SOX6: variants seen among roughly 807,000 people sequenced by gnomAD.
SOX6 encodes the protein SRY-box transcription factor 6, also known as transcription factor SOX-6.
A neutral mutation model predicts 97.8 loss-of-function variants in SOX6; 11 were observed. The ratio of observed to expected loss-of-function variants is 0.11; its 90% confidence interval spans 0.07 to 0.19. The LOEUF (loss-of-function observed/expected upper bound fraction) is 0.19, where lower values mean the gene tolerates loss of function less well. Ranked by LOEUF, SOX6 falls within the 10% of genes least tolerant of loss-of-function variation. The pLI, the probability that SOX6 is intolerant of heterozygous loss-of-function variation, is 1.00. For missense variants in SOX6, 810 were observed against 1,039.5 expected, an observed-to-expected ratio of 0.78 and a Z score of 3.04; for synonymous variants, 360 against 371.4, an observed-to-expected ratio of 0.97 and a Z score of 0.35.
chr11:16,462,277 T>C, intron 1 of SOX6, among the ~76,000 whole-genome samples: 1 of 152,246 alleles, frequency 6.6e-6, no homozygotes, highest in Non-Finnish European at 1.5e-5. Context: ...AACAATAAAC[T>C]ACCATATGCC....
At chr11:16,156,600 T>C (rs1376271142) in intron 6 of SOX6, among the ~76,000 whole-genome samples, 2 of 151,980 alleles carry the variant, frequency 1.3e-5, no homozygotes, top group African/African-American at 4.8e-5. Flanking sequence ...TCATCCTGTA[T>C]TTACATGATC....
At chr11:16,349,486 C>A (rs1040875409) in intron 1 of SOX6, among the ~76,000 whole-genome samples, 8 of 151,870 alleles carry the variant, frequency 5.3e-5, no homozygotes, top group Non-Finnish European at 1.2e-4. Context: ...CATGGCGGTG[C>A]GCGCCTGTAA....
chr11:16,032,818 C>T (rs1316774697), intron 12 of SOX6, among the ~76,000 whole-genome samples: 5 of 152,262 alleles, frequency 3.3e-5, no homozygotes, highest in South Asian at 2.1e-4. Flanking sequence ...CCCAACCATA[C>T]TCATGCCAGG....
At chr11:16,642,683 C>G (rs1174573852) in intron 3 of SOX6, among the ~76,000 whole-genome samples, 1 of 152,138 alleles carries the variant, frequency 6.6e-6, no homozygotes, top group East Asian at 1.9e-4. Context: ...ATCACTGATA[C>G]CCTTTCTTCC....
chr11:16,593,680 T>C (rs1206001685), intron 4 of SOX6, among the ~76,000 whole-genome samples: 1 of 152,196 alleles, frequency 6.6e-6, no homozygotes, highest in Non-Finnish European at 1.5e-5. Flanking sequence ...ACCAAGCACT[T>C]ATTATGAACC....
chr11:16,669,310 T>C (rs1011598220), intron 3 of SOX6, among the ~76,000 whole-genome samples: 2 of 152,130 alleles, frequency 1.3e-5, no homozygotes, highest in Non-Finnish European at 2.9e-5. Context: ...AATGAAGAAA[T>C]TAAAAAGAAA....
intron 3 of SOX6, among the ~76,000 whole-genome samples, chr11:16,668,079 A>G (rs1182198948): frequency 6.6e-6 from 1 of 152,236 alleles, no homozygotes; most frequent in Non-Finnish European, 1.5e-5. Flanking sequence ...GGTAACACCA[A>G]AAAACATACA....
chr11:16,451,799 C>T (rs1030937106), intron 1 of SOX6, among the ~76,000 whole-genome samples: 5 of 151,578 alleles, frequency 3.3e-5, no homozygotes, highest in Admixed American at 6.6e-5. Flanking sequence ...TTTGGGAGGC[C>T]GAGGAGAAAG....
chr11:16,046,171 C>T (rs1343629258), intron 12 of SOX6, among the ~76,000 whole-genome samples: 1 of 152,184 alleles, frequency 6.6e-6, no homozygotes, highest in Non-Finnish European at 1.5e-5. Context: ...ATTGTAAACA[C>T]ATATGTGTCT....
intron 1 of SOX6, among the ~76,000 whole-genome samples, chr11:16,387,931 T>C (rs931521343): frequency 6.6e-6 from 1 of 152,142 alleles, no homozygotes; most frequent in Non-Finnish European, 1.5e-5. Flanking sequence ...TTATACTATT[T>C]GCTTTCTTGT....
intron 1 of SOX6, among the ~76,000 whole-genome samples, chr11:16,426,342 T>G (rs1008416304): frequency 1.8e-5 from 2 of 110,472 alleles, no homozygotes; most frequent in East Asian, 5.8e-4. Context: ...AGTGCCTGAA[T>G]AGCCAGAGCA....
At chr11:15,994,435 TAAA>T (rs5789931) in intron 13 of SOX6, among the ~76,000 whole-genome samples, 21 of 135,886 alleles carry the variant, frequency 1.5e-4, no homozygotes, top group East Asian at 2.0e-4. Context: ...TGGGTTTATG[TAAA>T]AAAAAAAAAA....
chr11:16,441,686 G>T (rs184324424), intron 1 of SOX6, among the ~76,000 whole-genome samples: 30 of 152,112 alleles, frequency 2.0e-4, no homozygotes, highest in Non-Finnish European at 4.0e-4. Flanking sequence ...TATTTAAAAT[G>T]ACTAAAACAA....
chr11:16,038,287 C>T (rs4279976), intron 12 of SOX6, among the ~76,000 whole-genome samples: 16,070 of 152,006 alleles, frequency 0.11, 1,752 homozygotes, highest in East Asian at 0.37. Flanking sequence ...TTGTACTTTA[C>T]TGAATCATCA....
rs111507791 is a variant in SOX6, at chr11:16,140,607, G to A, written c.778-28684C>T. Among the ~76,000 whole-genome samples, 1,327 of 152,212 alleles carry A rather than the reference G, an allele frequency of 8.7e-3. 19 individuals are homozygous for A. Among genetic ancestry groups the A allele is most frequent in the African/African-American group, 0.031 (1,270 of 41,530 alleles). On this transcript the variant is annotated intron_variant, in intron 6 of 15. Coordinates refer to ENST00000683767, the MANE Select transcript of SOX6 (RefSeq NM_001367873.1). ...TGTCTGGCAGATAAGACCATAAATC[G>A]TAACTATTGTTAAATTGTTAAACTT...
At chr11:16,387,986 G>C (rs943712360) in intron 1 of SOX6, among the ~76,000 whole-genome samples, 4 of 152,064 alleles carry the variant, frequency 2.6e-5, no homozygotes, top group African/African-American at 7.2e-5. Flanking sequence ...ATGTCAAGTA[G>C]GATGAATGAG....
intron 3 of SOX6, among the ~76,000 whole-genome samples, chr11:16,666,924 G>A (rs1296009260): frequency 6.6e-6 from 1 of 152,086 alleles, no homozygotes; most frequent in East Asian, 1.9e-4. Flanking sequence ...AGTAGAGGGA[G>A]AGACAGAAAG....
chr11:16,348,352 T>C (rs1230487607), intron 1 of SOX6, among the ~76,000 whole-genome samples: 2 of 152,122 alleles, frequency 1.3e-5, no homozygotes, highest in Non-Finnish European at 2.9e-5. Flanking sequence ...CCTTCCATTG[T>C]AATAATGCAC....
intron 1 of SOX6, among the ~76,000 whole-genome samples, chr11:16,406,574 C>T (rs1366546209): frequency 6.6e-6 from 1 of 152,042 alleles, no homozygotes; most frequent in Non-Finnish European, 1.5e-5. Context: ...TGTACAAGTA[C>T]TTTTACAAGC....
Sources: gnomAD v4.1 joint callset for allele counts (sites outside exome capture counted in the v4.1 genomes callset) on GRCh38, gnomAD v4.1.1 for gene constraint, MANE v1.5 for transcripts, NCBI Gene and HGNC (gene_info 2026-07-23, HGNC 2026-07-21) for gene names.